SMAD2: variants seen among roughly 807,000 people sequenced by gnomAD.
SMAD2 encodes the protein MAD homolog 2.
Under a neutral mutation model 64.4 loss-of-function variants are expected in SMAD2, and 8 were observed. That is an observed-to-expected ratio of 0.12 (90% CI 0.07 to 0.22). SMAD2 has a LOEUF of 0.22. Among genes scored for constraint, SMAD2 ranks in the 10% least tolerant of loss-of-function variants. SMAD2 has a pLI of 1.00. For missense variants in SMAD2, 289 were observed against 561.2 expected (o/e 0.51, Z 4.90); for synonymous variants, 203 against 195.8 (o/e 1.04, Z -0.31).
intron 2 of SMAD2, among the ~76,000 whole-genome samples, chr18:47,872,580 A>G (rs1358758717): frequency 6.6e-5 from 10 of 152,172 alleles, no homozygotes; most frequent in Non-Finnish European, 4.4e-5. Context: ...GTTAGGAACC[A>G]GGACACACAG....
intron 1 of SMAD2, among the ~76,000 whole-genome samples, chr18:47,906,803 C>T (rs905641086): frequency 6.6e-6 from 1 of 152,074 alleles, no homozygotes; most frequent in Non-Finnish European, 1.5e-5. Flanking sequence ...TCTCCCCCAC[C>T]TTCAGAGCAC....
Position 47,917,261 on chromosome 18 carries a change from G to A in SMAD2, c.-54+13100C>T, listed in dbSNP as rs185788483. On this transcript the variant is annotated intron_variant, in intron 1 of 10. Coordinates refer to ENST00000262160, the MANE Select transcript of SMAD2 (RefSeq NM_005901.6). ...GAGGTATATTAAAATTTTCTACTAC[G>A]ATTATAGATTTGATTTATACCTGTA... 1.6e-3 allele frequency among the ~76,000 whole-genome samples: 237 copies of A among 152,200 alleles called. 2 individuals carry two copies. Among genetic ancestry groups the A allele is most frequent in the Middle Eastern group, 6.8e-3 (2 of 294 alleles).
At chr18:47,908,062 C>T (rs937255191) in intron 1 of SMAD2, among the ~76,000 whole-genome samples, 15 of 152,208 alleles carry the variant, frequency 9.9e-5, no homozygotes, top group African/African-American at 3.6e-4. Flanking sequence ...GTTAAATAGA[C>T]TTCTTTACTG....
At chr18:47,851,628 A>G (rs930224707) in intron 6 of SMAD2, among the ~76,000 whole-genome samples, 6 of 152,314 alleles carry the variant, frequency 3.9e-5, no homozygotes, top group African/African-American at 1.4e-4. Flanking sequence ...TCTATGAACC[A>G]CATAAGCAAA....
At position 47,809,827 on chromosome 18, in the gene SMAD2, C is replaced by T. The variant is rs1313041263; in HGVS notation, c.*32000G>A. 6.6e-6 allele frequency: 1 copy of T among 152,110 alleles called. No individual in the cohort carries two copies. Among genetic ancestry groups the T allele is most frequent in the Non-Finnish European group, 1.5e-5 (1 of 68,022 alleles). The allele number at this position is 152,110 out of a possible 1,614,324, so 9.4% of individuals were successfully genotyped here. ...GGGTGGAGATTTCTTTTTAATTCTC[C>T]AACCAAAAAGAACTACTCATTTCCT... is the stretch of plus-strand genomic sequence containing the variant. On this transcript the variant is annotated 3_prime_UTR_variant, in exon 11 of 11. Transcript: ENST00000262160.
intron 1 of SMAD2, among the ~76,000 whole-genome samples, chr18:47,901,692 G>A (rs1446196012): frequency 2.0e-5 from 3 of 152,110 alleles, no homozygotes; most frequent in African/African-American, 7.2e-5. Context: ...ATAGAACACT[G>A]CTGAGTAGCA....
intron 1 of SMAD2, among the ~76,000 whole-genome samples, chr18:47,913,151 C>T (rs563840724): frequency 6.6e-6 from 1 of 152,294 alleles, no homozygotes; most frequent in African/African-American, 2.4e-5. Flanking sequence ...AAACTCCTGA[C>T]CTCAGATGAT....
At chr18:47,925,366 G>A (rs2034721841) in intron 1 of SMAD2, among the ~76,000 whole-genome samples, 2 of 152,178 alleles carry the variant, frequency 1.3e-5, no homozygotes, top group African/African-American at 2.4e-5. Context: ...ATGTGCCTCA[G>A]TTACAAATAA....
At chr18:47,862,381 G>A (rs1023924836) in intron 6 of SMAD2, among the ~76,000 whole-genome samples, 4 of 152,160 alleles carry the variant, frequency 2.6e-5, no homozygotes, top group African/African-American at 9.7e-5. Flanking sequence ...CCAAGACAAG[G>A]TGTCAGCAAA....
At chr18:47,844,798 CA>C (rs1914336197) in intron 10 of SMAD2, 1 of 163,154 alleles carries the variant, frequency 6.1e-6, no homozygotes, top group African/African-American at 2.4e-5. Flanking sequence ...CTTAAAACAG[CA>C]CAGTGCCTGG....
At chr18:47,855,799 GTTTT>G in intron 6 of SMAD2, among the ~76,000 whole-genome samples, 1 of 152,058 alleles carries the variant, frequency 6.6e-6, no homozygotes, top group Middle Eastern at 3.4e-3. Flanking sequence ...TTTCAGTTTT[GTTTT>G]TTAATTCTTT....
At chr18:47,855,086 A>G (rs8087218) in intron 6 of SMAD2, among the ~76,000 whole-genome samples, 2,683 of 152,298 alleles carry the variant, frequency 0.018, 85 homozygotes, top group African/African-American at 0.062. Context: ...AATGTCATAT[A>G]TAGTAAGTCT....
In SMAD2 at chr18:47,820,434, G is replaced by A. The variant is rs555375086; in HGVS notation, c.*21393C>T. Reference sequence around the variant, plus strand: ...ATTGCTTTTTATTGGGAAAAAAGTTGTTTAAATTCAGAGTTTATTAGAGGT... The same window carrying A: ...ATTGCTTTTTATTGGGAAAAAAGTTATTTAAATTCAGAGTTTATTAGAGGT... On this transcript the variant is annotated 3_prime_UTR_variant, in exon 11 of 11. Transcript: ENST00000262160. 1.3e-5 allele frequency: 2 copies of A among 152,250 alleles called. No homozygotes were observed. The highest frequency in any genetic ancestry group is 4.8e-5 in the African/African-American group (2 of 41,546). The allele number at this position is 152,250 out of a possible 1,614,324, so 9.4% of individuals were successfully genotyped here.
chr18:47,890,860 A>G (rs578247199), intron 2 of SMAD2, among the ~76,000 whole-genome samples: 1 of 152,362 alleles, frequency 6.6e-6, no homozygotes, highest in East Asian at 1.9e-4. Flanking sequence ...TTGGGTTCAA[A>G]AAGACTTCTC....
chr18:47,919,469 T>TACACACACACACAC (rs66523523), intron 1 of SMAD2, among the ~76,000 whole-genome samples: 1 of 129,958 alleles, frequency 7.7e-6, no homozygotes, highest in African/African-American at 3.0e-5. Flanking sequence ...AAAAAAAAAA[T>TACACACACACACAC]ACACACACAC....
At chr18:47,846,339 G>A (rs904091732) in intron 8 of SMAD2, among the ~76,000 whole-genome samples, 1 of 152,010 alleles carries the variant, frequency 6.6e-6, no homozygotes, top group Non-Finnish European at 1.5e-5. Context: ...TTCAGAATCT[G>A]AGAGATCACA....
chr18:47,869,313 T>G lies in SMAD2; in HGVS notation c.450A>C (p.Glu150Asp), dbSNP rs2144378245. The G allele has an allele frequency of 6.2e-7, 1 of 1,613,650 alleles. No individual in the cohort carries two copies. Residue 150 changes from glutamate (E) to aspartate (D), a missense_variant, in exon 4 of 11, where the codon GAA becomes GAC. By Grantham distance (45) the Glu-to-Asp change is conservative. Around this residue, in one of 6 missense-constraint regions of SMAD2, gnomAD observed 119 missense variants for 156.7 expected, o/e 0.76. Coordinates refer to ENST00000262160, the MANE Select transcript of SMAD2 (RefSeq NM_005901.6). ...CATCCTTTTTAAGATTAAAAGCATA[T>G]TCGCAGTTTTCAATTGCCTTGAGTT... is the stretch of plus-strand genomic sequence containing the variant. ...HHELKAIENC[E>D]YAFNLKKDEV...
Position 47,836,531 on chromosome 18 carries a change from A to G in SMAD2, c.*5296T>C. 1 of 217,650 alleles carries G rather than the reference A, an allele frequency of 4.6e-6. No homozygotes were observed. The highest frequency in any genetic ancestry group is 9.2e-6 in the Non-Finnish European group (1 of 108,286). 13.5% of individuals were successfully genotyped at this position (217,650 alleles called of 1,614,324 possible). A position where few individuals can be genotyped will look rare whatever the true frequency, so the allele number is the denominator to read the frequency against. On this transcript the variant is annotated 3_prime_UTR_variant, in exon 11 of 11. Coordinates refer to ENST00000262160, the MANE Select transcript of SMAD2 (RefSeq NM_005901.6). ...ACAGACAAATTAAGAACATTTTACC[A>G]GGATCTGAGATTTAAACAATGGAAC... is the stretch of plus-strand genomic sequence containing the variant.
chr18:47,817,645 T>C lies in SMAD2; in HGVS notation c.*24182A>G, dbSNP rs1912416467. The C allele has an allele frequency of 1.3e-5, 2 of 152,226 alleles. No individual in the cohort carries two copies. Among genetic ancestry groups the C allele is most frequent in the Non-Finnish European group, 2.9e-5 (2 of 68,062 alleles). 9.4% of individuals were successfully genotyped at this position (152,226 alleles called of 1,614,324 possible). A position where few individuals can be genotyped will look rare whatever the true frequency, so the allele number is the denominator to read the frequency against. ...GCATGCCTTTTCTGGTAAATTTACT[T>C]TGGGTTCTTCTGTGTTTATATTATT... On this transcript the variant is annotated 3_prime_UTR_variant, in exon 11 of 11. Coordinates refer to ENST00000262160, the MANE Select transcript of SMAD2 (RefSeq NM_005901.6).
Sources: allele counts gnomAD v4.1 joint callset (sites outside exome capture counted in the v4.1 genomes callset), GRCh38; gene constraint gnomAD v4.1.1; regional missense constraint gnomAD v4.1.1; transcripts MANE v1.5; gene names NCBI Gene and HGNC (gene_info 2026-07-23, HGNC 2026-07-21).